REPS2: variants seen among roughly 807,000 people sequenced by gnomAD.
The protein encoded by REPS2 is RALBP1 associated Eps domain containing 2.
In REPS2, 23 loss-of-function variants were observed where a neutral mutation model predicts 53.6. That is an observed-to-expected ratio of 0.43 (90% CI 0.31 to 0.61). The LOEUF is 0.61. Ranked by LOEUF, REPS2 falls within the 20% of genes least tolerant of loss-of-function variation. The pLI, the probability that REPS2 is intolerant of heterozygous loss-of-function variation, is 0.11. For missense variants in REPS2, 446 were observed against 534.9 expected, an observed-to-expected ratio of 0.83 and a Z score of 1.64; for synonymous variants, 238 against 218.6, an observed-to-expected ratio of 1.09 and a Z score of -0.78.
chrX:17,118,482 A>G (rs1317156846), intron 14 of REPS2, among the ~76,000 whole-genome samples: 1 of 111,369 alleles, frequency 9.0e-6, no homozygotes, highest in Non-Finnish European at 1.9e-5. Flanking sequence ...CTGTCATTGC[A>G]TATCATTTTA....
At chrX:17,193,233 G>A in the REPS2 span, among the ~76,000 whole-genome samples, 1 of 112,426 alleles carries the variant, frequency 8.9e-6, no homozygotes, top group Non-Finnish European at 1.9e-5. Flanking sequence ...GAGAATTCTT[G>A]TTGCTTTACA....
chrX:17,006,341 TGTG>T lies in REPS2; in HGVS notation c.397+1_397+3del. On this transcript the variant is annotated stop_gained and inframe_deletion and splice_region_variant, in exon 2 of 18. Transcript: ENST00000357277. LOFTEE classifies it high-confidence loss of function. ...CCCGGTACGGATAGAGAGTATTAAA[TGTG>T]GTGAGTATCTCACATTTGTATGTTT... 8.3e-7 allele frequency: 1 copy of T among 1,208,898 alleles called. No homozygotes were observed. Among genetic ancestry groups the T allele is most frequent in the Non-Finnish European group, 1.1e-6 (1 of 893,288 alleles).
At chrX:16,988,586 A>G (rs949847312) in intron 1 of REPS2, among the ~76,000 whole-genome samples, 4 of 111,141 alleles carry the variant, frequency 3.6e-5, no homozygotes, top group African/African-American at 1.3e-4. Flanking sequence ...GAAAGAAATC[A>G]AAGTCTAAAT....
chrX:17,002,148 G>A (rs2061315331), intron 1 of REPS2, among the ~76,000 whole-genome samples: 1 of 111,079 alleles, frequency 9.0e-6, no homozygotes, highest in African/African-American at 3.3e-5. Context: ...AGTACTTAGG[G>A]GTGGTGTGTC....
downstream of REPS2, among the ~76,000 whole-genome samples, chrX:17,157,156 A>T (rs1390883784): frequency 9.0e-6 from 1 of 111,595 alleles, no homozygotes; most frequent in Non-Finnish European, 1.9e-5. Context: ...GACATTGTTC[A>T]TGTTGTGTTT....
At chrX:16,969,462 G>T (rs1377224908) in intron 1 of REPS2, among the ~76,000 whole-genome samples, 2 of 109,666 alleles carry the variant, frequency 1.8e-5, no homozygotes, top group Non-Finnish European at 3.8e-5. Flanking sequence ...ACGAGACTCC[G>T]TCTGCAATCC....
rs189064326 is a variant in REPS2, at chrX:17,095,060, T to G, written c.1517-8658T>G. Among the ~76,000 whole-genome samples the G allele has an allele frequency of 2.7e-5, 3 of 112,132 alleles. No homozygotes were observed. The East Asian group carries it at 8.3e-4, about 31-fold the overall frequency. On this transcript the variant is annotated intron_variant, in intron 13 of 17. Coordinates refer to ENST00000357277, the MANE Select transcript of REPS2 (RefSeq NM_004726.3). ...TGTTTTTATTGATCCCTACCTTAGGTTAGAACATTTTCTGCAGATATCTGG... is the reference window on the plus strand; with the variant it reads ...TGTTTTTATTGATCCCTACCTTAGGGTAGAACATTTTCTGCAGATATCTGG...
At chrX:17,123,053 G>A (rs1377075452) in intron 14 of REPS2, among the ~76,000 whole-genome samples, 17 of 112,022 alleles carry the variant, frequency 1.5e-4, no homozygotes, top group Non-Finnish European at 2.8e-4. Flanking sequence ...CAGAGATTGG[G>A]GCCCAACAGA....
At chrX:17,054,006 A>G (rs1219094537) in intron 7 of REPS2, among the ~76,000 whole-genome samples, 2 of 112,406 alleles carry the variant, frequency 1.8e-5, no homozygotes, top group Admixed American at 1.9e-4. Flanking sequence ...TCCTAACACA[A>G]GTACACTTGT....
intron 14 of REPS2, among the ~76,000 whole-genome samples, chrX:17,130,701 T>C (rs773389379): frequency 2.1e-5 from 2 of 95,724 alleles, no homozygotes; most frequent in East Asian, 7.0e-4. Flanking sequence ...TTAATAAATA[T>C]GTCTTGAATG....
intron 16 of REPS2, chrX:17,136,172 C>T (rs2063363148): frequency 8.9e-6 from 1 of 112,151 alleles, no homozygotes. Flanking sequence ...CCCATCATGA[C>T]CCTGCTTTTG....
chrX:16,960,704 CCT>C, intron 1 of REPS2, among the ~76,000 whole-genome samples: 1 of 111,362 alleles, frequency 9.0e-6, no homozygotes, highest in Non-Finnish European at 1.9e-5. Flanking sequence ...TAAAATTATC[CCT>C]GTTTGTAAAT....
the REPS2 span, among the ~76,000 whole-genome samples, chrX:17,177,997 G>A: frequency 9.0e-6 from 1 of 111,409 alleles, no homozygotes; most frequent in Admixed American, 9.6e-5. Flanking sequence ...TGGGGGTTGC[G>A]AGGGCACAGG....
intron 1 of REPS2, among the ~76,000 whole-genome samples, chrX:16,993,250 A>G (rs906824690): frequency 8.9e-6 from 1 of 112,101 alleles, no homozygotes; most frequent in South Asian, 3.7e-4. Flanking sequence ...AGACTTCCCT[A>G]GTGTTATCTG....
chrX:17,195,176 A>G, the REPS2 span, among the ~76,000 whole-genome samples: 9 of 112,003 alleles, frequency 8.0e-5, no homozygotes, highest in African/African-American at 2.9e-4. Flanking sequence ...AGATAACCAA[A>G]GTTTTCATTA....
intron 11 of REPS2, among the ~76,000 whole-genome samples, chrX:17,072,380 G>C (rs1022768438): frequency 3.6e-5 from 4 of 111,633 alleles, no homozygotes; most frequent in African/African-American, 1.3e-4. Flanking sequence ...GTAACAGCTA[G>C]TTAGTGTCAT....
chrX:17,165,897 A>C, the REPS2 span, among the ~76,000 whole-genome samples: 2 of 111,443 alleles, frequency 1.8e-5, no homozygotes, highest in Non-Finnish European at 3.8e-5. Flanking sequence ...TGCAAAAGGC[A>C]CTGATATATA....
At chrX:17,022,421 C>T (rs2061588537) in intron 3 of REPS2, 150 bp downstream of exon 3, 1 of 478,551 alleles carries the variant, frequency 2.1e-6, no homozygotes, top group East Asian at 3.9e-5. Flanking sequence ...TTTCTCCTAG[C>T]AAGAAAGAGA....
chrX:17,152,580 C>T lies in REPS2; in HGVS notation c.*5099C>T, dbSNP rs1429002320. On this transcript the variant is annotated 3_prime_UTR_variant, in exon 18 of 18. Coordinates refer to ENST00000357277, the MANE Select transcript of REPS2 (RefSeq NM_004726.3). ...CTACAGTAAAGAAACCTTCAGATAC[C>T]AGTTCCATCCTGAAGCCCTCTGTTG... 1 of 112,221 alleles carries T rather than the reference C, an allele frequency of 8.9e-6. No homozygotes were observed. The highest frequency in any genetic ancestry group is 1.9e-5 in the Non-Finnish European group (1 of 53,210). The allele number at this position is 112,221 out of a possible 1,213,427, so 9.2% of individuals were successfully genotyped here.
Sources: allele counts gnomAD v4.1 joint callset (sites outside exome capture counted in the v4.1 genomes callset), GRCh38; gene constraint gnomAD v4.1.1; transcripts MANE v1.5; gene names NCBI Gene and HGNC (gene_info 2026-07-23, HGNC 2026-07-21).